Variants in GRIK1 observed in about 807,000 individuals in gnomAD.
The protein encoded by GRIK1 is glutamate ionotropic receptor kainate type subunit 1, also known as glutamate receptor ionotropic, kainate 1.
A neutral mutation model predicts 105.7 loss-of-function variants in GRIK1; 69 were observed. The observed-to-expected ratio is 0.65, with a 90% confidence interval of 0.54 to 0.80. The LOEUF (loss-of-function observed/expected upper bound fraction) is 0.80. GRIK1 is among the 30% of genes least tolerant of loss of function. The pLI is 0.00. For synonymous variants in GRIK1, 438 were observed against 431.3 expected (o/e 1.02, Z -0.19); for missense variants, 1,109 against 1,167.3 (o/e 0.95, Z 0.73).
intron 1 of GRIK1, among the ~76,000 whole-genome samples, chr21:29,852,307 T>A (rs2068333090): frequency 6.6e-6 from 1 of 152,248 alleles, no homozygotes; most frequent in South Asian, 2.1e-4. Context: ...ATAGTGACTG[T>A]TACTATTCAC....
chr21:29,825,093 T>C (rs1392918551), intron 1 of GRIK1, among the ~76,000 whole-genome samples: 4 of 152,106 alleles, frequency 2.6e-5, no homozygotes, highest in Admixed American at 6.6e-5. Context: ...GAGACACTTA[T>C]CATTTAAGGG....
chr21:29,566,883 T>C (rs114810434), intron 14 of GRIK1, among the ~76,000 whole-genome samples: 1,676 of 147,988 alleles, frequency 0.011, 34 homozygotes, highest in African/African-American at 0.041. Flanking sequence ...CAACAGGGAA[T>C]GAACTATCTC....
chr21:29,574,844 C>A (rs1425989108), intron 14 of GRIK1, among the ~76,000 whole-genome samples: 2 of 151,422 alleles, frequency 1.3e-5, no homozygotes, highest in African/African-American at 4.9e-5. Context: ...CCCGCCATCA[C>A]GCCCGGCTAA....
intron 7 of GRIK1, among the ~76,000 whole-genome samples, chr21:29,619,954 T>C (rs2061948596): frequency 6.6e-6 from 1 of 152,232 alleles, no homozygotes; most frequent in Non-Finnish European, 1.5e-5. Flanking sequence ...ATATTATTCA[T>C]ATCTAAGCAT....
intron 1 of GRIK1, among the ~76,000 whole-genome samples, chr21:29,818,865 T>C (rs1045086781): frequency 3.3e-5 from 5 of 151,980 alleles, no homozygotes; most frequent in African/African-American, 1.2e-4. Context: ...CACTAGTCAC[T>C]AAGAAAACTG....
intron 1 of GRIK1, among the ~76,000 whole-genome samples, chr21:29,868,276 T>G (rs2068895294): frequency 6.6e-6 from 1 of 152,208 alleles, no homozygotes; most frequent in Non-Finnish European, 1.5e-5. Flanking sequence ...TGATGACAAC[T>G]GTATACCAGG....
chr21:29,801,172 G>T (rs553354981), intron 1 of GRIK1, among the ~76,000 whole-genome samples: 1 of 152,020 alleles, frequency 6.6e-6, no homozygotes, highest in South Asian at 2.1e-4. Context: ...ATGCTTTTAA[G>T]TTGACCATTT....
chr21:29,565,798 A>G (rs2090599269), intron 14 of GRIK1, among the ~76,000 whole-genome samples: 1 of 152,168 alleles, frequency 6.6e-6, no homozygotes, highest in East Asian at 1.9e-4. Flanking sequence ...CGAGTTTCAC[A>G]TAAGGAGATG....
intron 1 of GRIK1, among the ~76,000 whole-genome samples, chr21:29,926,882 ACTGC>A (rs1424458963): frequency 7.9e-5 from 12 of 152,206 alleles, no homozygotes; most frequent in Non-Finnish European, 1.8e-4. Flanking sequence ...GTGATATCAT[ACTGC>A]CTATTTTCTC....
chr21:29,675,681 C>G (rs545255156), intron 3 of GRIK1, among the ~76,000 whole-genome samples: 54 of 152,294 alleles, frequency 3.5e-4, no homozygotes, highest in African/African-American at 1.2e-3. Flanking sequence ...TCCTCACAGC[C>G]TGTAGGATAA....
At chr21:29,849,231 T>C (rs1347209682) in intron 1 of GRIK1, among the ~76,000 whole-genome samples, 1 of 152,236 alleles carries the variant, frequency 6.6e-6, no homozygotes, top group South Asian at 2.1e-4. Context: ...TTGTTCATCT[T>C]GGTATCCCTT....
intron 1 of GRIK1, among the ~76,000 whole-genome samples, chr21:29,795,589 T>C (rs2066533546): frequency 6.6e-6 from 1 of 152,174 alleles, no homozygotes; most frequent in Non-Finnish European, 1.5e-5. Context: ...TCCACCTGAA[T>C]TAATGTAAAC....
chr21:29,566,838 C>G (rs114208299), intron 14 of GRIK1, among the ~76,000 whole-genome samples: 2,362 of 152,260 alleles, frequency 0.016, 55 homozygotes, highest in African/African-American at 0.054. Context: ...AGGATTTGAT[C>G]CCAGTAATCT....
intron 1 of GRIK1, among the ~76,000 whole-genome samples, chr21:29,823,805 C>T (rs2067370599): frequency 6.6e-6 from 1 of 151,952 alleles, no homozygotes; most frequent in Admixed American, 6.6e-5. Context: ...TCTGTTAACT[C>T]AAACTCCTTT....
chr21:29,649,508 A>G (rs1283895043), intron 6 of GRIK1, among the ~76,000 whole-genome samples: 2 of 152,144 alleles, frequency 1.3e-5, no homozygotes, highest in East Asian at 3.9e-4. Context: ...ACTCAACCTT[A>G]TCACACTTCC....
At chr21:29,618,559 T>G (rs1354425713) in intron 7 of GRIK1, among the ~76,000 whole-genome samples, 1 of 152,150 alleles carries the variant, frequency 6.6e-6, no homozygotes, top group African/African-American at 2.4e-5. Flanking sequence ...TACCTGCACA[T>G]GCATGTTTAT....
chr21:29,576,910 A>G, intron 14 of GRIK1, 54 bp downstream of exon 14: 4 of 901,616 alleles, frequency 4.4e-6, no homozygotes, highest in Middle Eastern at 2.3e-4. Context: ...AGATTCTTTT[A>G]TACTCTACCA....
At chr21:29,651,368 G>T in intron 5 of GRIK1, 77 bp from the exon 6 acceptor site, 1 of 963,118 alleles carries the variant, frequency 1.0e-6, no homozygotes, top group Non-Finnish European at 1.5e-6. Flanking sequence ...ATTAATGATT[G>T]TAGCACCAAC....
At chr21:29,867,840 G>GA (rs879723736) in intron 1 of GRIK1, among the ~76,000 whole-genome samples, 20,439 of 138,078 alleles carry the variant, frequency 0.15, 1,894 homozygotes, top group East Asian at 0.31. Context: ...AAGAAAGAAA[G>GA]AAGGAAGGAA....
Sources: allele counts gnomAD v4.1 joint callset (sites outside exome capture counted in the v4.1 genomes callset), GRCh38; gene constraint gnomAD v4.1.1; transcripts MANE v1.5; gene names NCBI Gene and HGNC (gene_info 2026-07-23, HGNC 2026-07-21).